CCSER1: variants seen among roughly 807,000 people sequenced by gnomAD.
CCSER1 encodes the protein coiled-coil serine rich protein 1, also known as serine-rich coiled-coil domain-containing protein 1.
Under a neutral mutation model 82.0 loss-of-function variants are expected in CCSER1, and 41 were observed. The ratio of observed to expected loss-of-function variants is 0.50; its 90% CI spans 0.39 to 0.65. CCSER1 has a LOEUF of 0.65. Ranked by LOEUF, CCSER1 falls within the 30% of genes least tolerant of loss-of-function variation. CCSER1 has a pLI of 0.00. For missense variants in CCSER1, 1,119 were observed against 1,064.2 expected, an observed-to-expected ratio of 1.05 and a Z score of -0.72; for synonymous variants, 414 against 383.9, an observed-to-expected ratio of 1.08 and a Z score of -0.92.
At chr4:91,401,287 T>C in intron 10 of CCSER1, among the ~76,000 whole-genome samples, 1 of 148,706 alleles carries the variant, frequency 6.7e-6, no homozygotes, top group African/African-American at 2.4e-5. Flanking sequence ...TACATAGATA[T>C]ACTATATAGT....
At chr4:91,408,996 T>G (rs1752869275) in intron 10 of CCSER1, among the ~76,000 whole-genome samples, 1 of 152,200 alleles carries the variant, frequency 6.6e-6, no homozygotes, top group African/African-American at 2.4e-5. Flanking sequence ...GCACCTTATT[T>G]GCTGTGGGGG....
At chr4:91,579,408 A>G (rs1578842391) in intron 10 of CCSER1, among the ~76,000 whole-genome samples, 1 of 151,824 alleles carries the variant, frequency 6.6e-6, no homozygotes, top group African/African-American at 2.4e-5. Flanking sequence ...TTCGAAAAGA[A>G]GAATGACTCT....
rs1474677458 is a variant in CCSER1 at position 91,012,146 on chromosome 4, A to G, written c.2173-73804A>G. Among the ~76,000 whole-genome samples the G allele has an allele frequency of 3.0e-5, 4 of 134,940 alleles. 1 individual carries two copies. The highest frequency in any genetic ancestry group is 6.9e-5 in the Non-Finnish European group (4 of 57,902). The allele number at this position is 134,940 out of a possible 152,430, so 88.5% of individuals were successfully genotyped here. A position where few individuals can be genotyped will look rare whatever the true frequency, so the allele number is the denominator to read the frequency against. On this transcript the variant is annotated intron_variant, in intron 9 of 10. Transcript: ENST00000509176. ...CAATGTGCCACTTCAGCCCAGGCTC[A>G]GGGGCTATGACTTCTCAGGGTAGCC...
chr4:91,101,661 C>CT (rs1225400947), intron 10 of CCSER1, among the ~76,000 whole-genome samples: 4 of 151,136 alleles, frequency 2.6e-5, no homozygotes, highest in African/African-American at 9.7e-5. Flanking sequence ...GGTTGGGGGC[C>CT]TGACAAACCC....
At chr4:91,357,834 A>C (rs550628658) in intron 10 of CCSER1, among the ~76,000 whole-genome samples, 16 of 149,440 alleles carry the variant, frequency 1.1e-4, no homozygotes, top group African/African-American at 3.9e-4. Context: ...ATTTCAGGAC[A>C]AGAATTTACC....
intron 10 of CCSER1, among the ~76,000 whole-genome samples, chr4:91,552,400 T>G (rs1440843654): frequency 1.3e-5 from 2 of 151,756 alleles, no homozygotes; most frequent in African/African-American, 4.9e-5. Flanking sequence ...TTGAAGGAAC[T>G]TACATTCTTG....
chr4:90,704,704 C>G (rs187063688), intron 6 of CCSER1, among the ~76,000 whole-genome samples: 22 of 152,316 alleles, frequency 1.4e-4, no homozygotes, highest in Middle Eastern at 3.4e-3. Context: ...AACTTCTCTT[C>G]TCACTTCATT....
chr4:91,398,962 T>C (rs531844537), intron 10 of CCSER1, among the ~76,000 whole-genome samples: 4 of 152,034 alleles, frequency 2.6e-5, no homozygotes, highest in African/African-American at 9.6e-5. Context: ...GAATTCTGAA[T>C]TATAAATATT....
intron 10 of CCSER1, among the ~76,000 whole-genome samples, chr4:91,275,389 TTTG>T (rs1208674240): frequency 2.0e-5 from 3 of 152,198 alleles, no homozygotes; most frequent in Non-Finnish European, 4.4e-5. Context: ...GATATTTCAA[TTTG>T]TTTTTGATTT....
chr4:90,222,058 G>T (rs1742252755), intron 1 of CCSER1, among the ~76,000 whole-genome samples: 3 of 152,022 alleles, frequency 2.0e-5, no homozygotes, highest in Admixed American at 6.6e-5. Context: ...AGTAAATTTT[G>T]CAGGCTCAGG....
At chr4:91,161,933 C>G (rs1170185722) in intron 10 of CCSER1, among the ~76,000 whole-genome samples, 2 of 151,892 alleles carry the variant, frequency 1.3e-5, no homozygotes, top group African/African-American at 4.8e-5. Flanking sequence ...GTATTTTTTT[C>G]TTTTCCTGAT....
chr4:90,899,940 A>T (rs1037283714), intron 8 of CCSER1, among the ~76,000 whole-genome samples: 4 of 151,878 alleles, frequency 2.6e-5, no homozygotes, highest in African/African-American at 4.8e-5. Context: ...AGGTTTTCGT[A>T]TCAAGGTGAT....
At chr4:90,799,010 T>A (rs1427670401) in intron 7 of CCSER1, among the ~76,000 whole-genome samples, 1 of 152,192 alleles carries the variant, frequency 6.6e-6, no homozygotes, top group Non-Finnish European at 1.5e-5. Context: ...TAGTGGCAGC[T>A]GCAGCAGAGT....
At chr4:90,304,963 G>A (rs1733977024) in intron 1 of CCSER1, among the ~76,000 whole-genome samples, 1 of 151,344 alleles carries the variant, frequency 6.6e-6, no homozygotes, top group Non-Finnish European at 1.5e-5. Flanking sequence ...GTCCACCCAG[G>A]CTGGAGTGCA....
intron 4 of CCSER1, among the ~76,000 whole-genome samples, chr4:90,438,272 G>T (rs1358316864): frequency 6.6e-6 from 1 of 152,130 alleles, no homozygotes; most frequent in African/African-American, 2.4e-5. Context: ...TTTGGGGCAA[G>T]ATATATAAAT....
At chr4:90,960,654 T>TTTTCGGTATGAAAGCTACACTTA in intron 9 of CCSER1, among the ~76,000 whole-genome samples, 1 of 152,170 alleles carries the variant, frequency 6.6e-6, no homozygotes, top group Non-Finnish European at 1.5e-5. Flanking sequence ...TGGGCTTTCA[T>TTTTCGGTATGAAAGCTACACTTA]TTTCGGTATG....
chr4:90,494,606 A>G (rs919944884), intron 5 of CCSER1, among the ~76,000 whole-genome samples: 3 of 152,072 alleles, frequency 2.0e-5, no homozygotes, highest in African/African-American at 7.2e-5. Flanking sequence ...AATCTCAGGG[A>G]TTTATCCTTT....
chr4:90,903,005 T>C (rs898961584), intron 8 of CCSER1, among the ~76,000 whole-genome samples: 1 of 152,154 alleles, frequency 6.6e-6, no homozygotes, highest in African/African-American at 2.4e-5. Context: ...TAACCTTTTG[T>C]TCCTGAATGC....
At position 91,571,180 on chromosome 4, in the gene CCSER1, C is replaced by A. The variant is rs184851037; in HGVS notation, c.2218-27392C>A. On this transcript the variant is annotated intron_variant, in intron 10 of 10. Coordinates refer to ENST00000509176, the MANE Select transcript of CCSER1 (RefSeq NM_001145065.2). ...CCATTCAACAAGTCTCTAGGAAGAT[C>A]CAAACTTTGCCACATTTTCTCGTCT... Among the ~76,000 whole-genome samples, 454 of 152,306 alleles carry A rather than the reference C, an allele frequency of 3.0e-3. 5 individuals carry two copies. Among genetic ancestry groups the A allele is most frequent in the African/African-American group, 9.9e-3 (413 of 41,574 alleles).
Sources: gnomAD v4.1 joint callset for allele counts (sites outside exome capture counted in the v4.1 genomes callset) on GRCh38, gnomAD v4.1.1 for gene constraint, MANE v1.5 for transcripts, NCBI Gene and HGNC (gene_info 2026-07-23, HGNC 2026-07-21) for gene names.